Variants in CNTNAP2 observed in about 807,000 individuals in gnomAD.
CNTNAP2 encodes the protein contactin associated protein 2.
In CNTNAP2, 98 loss-of-function variants were observed where a neutral mutation model predicts 155.2. The observed-to-expected ratio is 0.63, with a 90% CI of 0.54 to 0.75. CNTNAP2 has a LOEUF of 0.75. Among genes scored for constraint, CNTNAP2 ranks in the 30% least tolerant of loss-of-function variants. The pLI is 0.00. For synonymous variants in CNTNAP2, 651 were observed against 631.2 expected (o/e 1.03, Z -0.47); for missense variants, 1,727 against 1,688.1 (o/e 1.02, Z -0.40).
intron 21 of CNTNAP2, among the ~76,000 whole-genome samples, chr7:148,273,123 A>G (rs565767996): frequency 1.9e-4 from 29 of 152,372 alleles, no homozygotes; most frequent in African/African-American, 7.0e-4. Flanking sequence ...ACTCTCTATT[A>G]TTGAGAATAT....
intron 12 of CNTNAP2, among the ~76,000 whole-genome samples, chr7:147,588,174 GAGAA>G (rs71767766): frequency 0.3 from 45,658 of 151,690 alleles, 7,823 homozygotes; most frequent in African/African-American, 0.47. Context: ...TTATGTAAAA[GAGAA>G]AGAGAGATGG....
chr7:147,984,746 G>A (rs1469892535), intron 15 of CNTNAP2, among the ~76,000 whole-genome samples: 2 of 152,128 alleles, frequency 1.3e-5, no homozygotes, highest in African/African-American at 4.8e-5. Context: ...AAGGAGTTCA[G>A]AAGCTTATAT....
At chr7:148,351,518 G>A (rs1798424921) in intron 21 of CNTNAP2, among the ~76,000 whole-genome samples, 1 of 151,880 alleles carries the variant, frequency 6.6e-6, no homozygotes, top group Non-Finnish European at 1.5e-5. Context: ...GCCGAGGTGG[G>A]CAGATCACGA....
chr7:146,402,874 C>T (rs955526702), intron 1 of CNTNAP2, among the ~76,000 whole-genome samples: 21 of 152,144 alleles, frequency 1.4e-4, no homozygotes, highest in African/African-American at 3.6e-4. Context: ...TAATCAAATG[C>T]GGCTCTGGAT....
At chr7:146,443,042 T>TAA (rs922030100) in intron 1 of CNTNAP2, among the ~76,000 whole-genome samples, 1 of 146,858 alleles carries the variant, frequency 6.8e-6, no homozygotes, top group East Asian at 2.0e-4. Flanking sequence ...CCGTTTCTAC[T>TAA]AAAAAAAAAA....
chr7:148,328,835 G>A (rs1010730392), intron 21 of CNTNAP2, among the ~76,000 whole-genome samples: 5 of 151,922 alleles, frequency 3.3e-5, no homozygotes, highest in African/African-American at 4.8e-5. Context: ...AATTAGCCGG[G>A]CATGGTGGCG....
intron 9 of CNTNAP2, among the ~76,000 whole-genome samples, chr7:147,310,594 T>C (rs1211024230): frequency 6.6e-6 from 1 of 152,220 alleles, no homozygotes; most frequent in Non-Finnish European, 1.5e-5. Flanking sequence ...GGTGCAAATA[T>C]GTGATAGGTG....
chr7:146,610,172 G>T (rs1799112347), intron 1 of CNTNAP2, among the ~76,000 whole-genome samples: 1 of 152,140 alleles, frequency 6.6e-6, no homozygotes, highest in South Asian at 2.1e-4. Flanking sequence ...GTGGTACTTG[G>T]TAAATTTACA....
At chr7:147,940,082 T>C (rs567294704) in intron 14 of CNTNAP2, 1 of 152,194 alleles carries the variant, frequency 6.6e-6, no homozygotes, top group Admixed American at 6.5e-5. Flanking sequence ...GCCCAGGAGT[T>C]CTGCGTGGTA....
intron 3 of CNTNAP2, among the ~76,000 whole-genome samples, chr7:146,983,185 T>TTA (rs1798051506): frequency 6.6e-6 from 1 of 152,176 alleles, no homozygotes; most frequent in Non-Finnish European, 1.5e-5. Context: ...CAAAAGCTCC[T>TTA]AAAAATGGCT....
intron 9 of CNTNAP2, among the ~76,000 whole-genome samples, chr7:147,344,414 T>A (rs1584887210): frequency 6.9e-6 from 1 of 145,686 alleles, no homozygotes; most frequent in South Asian, 2.1e-4. Context: ...TAGGCAGAGG[T>A]AACACTAGGA....
intron 13 of CNTNAP2, among the ~76,000 whole-genome samples, chr7:147,651,015 T>C (rs1479368871): frequency 1.3e-5 from 2 of 152,120 alleles, no homozygotes; most frequent in Non-Finnish European, 2.9e-5. Flanking sequence ...AGAGGTTATA[T>C]TTGGAGGAAA....
rs75051546 is a variant in CNTNAP2, at chr7:146,957,565, C to T, written c.403-86342C>T. On this transcript the variant is annotated intron_variant, in intron 3 of 23. Coordinates refer to ENST00000361727, the MANE Select transcript of CNTNAP2 (RefSeq NM_014141.6). The stretch of plus-strand genomic sequence containing the variant: ...GCAAATTATTTTAAAGTTTTCCAGG[C>T]CATAGATGAAAAGGTAAAGTTCATT... 2.4e-3 allele frequency among the ~76,000 whole-genome samples: 366 copies of T among 152,074 alleles called. 1 individual carries two copies. The highest frequency in any genetic ancestry group is 8.2e-3 in the African/African-American group (342 of 41,466).
At chr7:147,142,763 A>T (rs531148255) in intron 8 of CNTNAP2, among the ~76,000 whole-genome samples, 16 of 152,288 alleles carry the variant, frequency 1.1e-4, no homozygotes, top group Non-Finnish European at 2.1e-4. Flanking sequence ...TAAACAAAAA[A>T]AGAATAAGTC....
intron 12 of CNTNAP2, among the ~76,000 whole-genome samples, chr7:147,620,986 GA>G (rs1794837998): frequency 6.6e-6 from 1 of 152,100 alleles, no homozygotes. Context: ...AGCAACAAGA[GA>G]AAAGAAGCAT....
At chr7:147,691,157 T>G (rs1434164671) in intron 13 of CNTNAP2, among the ~76,000 whole-genome samples, 1 of 152,134 alleles carries the variant, frequency 6.6e-6, no homozygotes, top group Non-Finnish European at 1.5e-5. Flanking sequence ...ATTAATTAAT[T>G]CAATTATGAT....
chr7:147,380,962 AAG>A (rs1310184464), intron 9 of CNTNAP2, among the ~76,000 whole-genome samples: 2 of 152,166 alleles, frequency 1.3e-5, no homozygotes, highest in African/African-American at 4.8e-5. Flanking sequence ...AGACGAGACT[AAG>A]AAATTATTTT....
intron 1 of CNTNAP2, among the ~76,000 whole-genome samples, chr7:146,714,321 G>C (rs887880176): frequency 6.6e-6 from 1 of 152,162 alleles, no homozygotes; most frequent in Admixed American, 6.6e-5. Context: ...GTTACCATGT[G>C]CCTGGAACAG....
chr7:146,756,769 A>G (rs1802002233), intron 1 of CNTNAP2, among the ~76,000 whole-genome samples: 1 of 152,012 alleles, frequency 6.6e-6, no homozygotes, highest in Non-Finnish European at 1.5e-5. Flanking sequence ...TGATCTTCCA[A>G]CCTTTCCTGT....
Sources: allele counts gnomAD v4.1 joint callset (sites outside exome capture counted in the v4.1 genomes callset), GRCh38; gene constraint gnomAD v4.1.1; transcripts MANE v1.5; gene names NCBI Gene and HGNC (gene_info 2026-07-23, HGNC 2026-07-21).